Variants in SPANXN3 observed in about 807,000 individuals in gnomAD.
SPANXN3 encodes sperm protein associated with the nucleus on the X chromosome N3.
In SPANXN3, 1 loss-of-function variant was observed where a neutral mutation model predicts 1.9. The observed-to-expected ratio is 0.54, with a 90% CI of 0.19 to 2.54. SPANXN3 has a LOEUF of 2.54. SPANXN3 is among the 30% of genes most tolerant of loss of function. The pLI is 0.24. For synonymous variants in SPANXN3, 47 were observed against 40.0 expected, an observed-to-expected ratio of 1.17 and a Z score of -0.66; for missense variants, 113 against 96.2, an observed-to-expected ratio of 1.17 and a Z score of -0.73.
At chrX:143,510,469 C>G (rs1422311549) in intron 1 of SPANXN3, among the ~76,000 whole-genome samples, 3 of 111,555 alleles carry the variant, frequency 2.7e-5, no homozygotes, top group African/African-American at 6.5e-5. Flanking sequence ...AACTCACTCC[C>G]CTCTGGGGTA....
chrX:143,512,597 A>G (rs1225911035), intron 1 of SPANXN3, among the ~76,000 whole-genome samples: 1 of 111,066 alleles, frequency 9.0e-6, no homozygotes, highest in Non-Finnish European at 1.9e-5. Flanking sequence ...ACTCTCCCAT[A>G]TTCCTAAATC....
At position 143,515,084 on chromosome X, in the gene SPANXN3, C is replaced by T. The variant is rs184102532; in HGVS notation, c.78+2230G>A. Among the ~76,000 whole-genome samples, 741 of 110,323 alleles carry T rather than the reference C, an allele frequency of 6.7e-3. 2 individuals carry two copies. The highest frequency in any genetic ancestry group is 0.023 in the African/African-American group (707 of 30,185). On this transcript the variant is annotated intron_variant, in intron 1 of 1. Coordinates refer to ENST00000370503, the MANE Select transcript of SPANXN3 (RefSeq NM_001009609.4). ...ACAGTACACAAATGCTTACTTGACC[C>T]AGCCTAAAAGTCCATCCTCAAAATA...
chrX:143,515,788 C>G (rs1929202777), intron 1 of SPANXN3, among the ~76,000 whole-genome samples: 1 of 111,889 alleles, frequency 8.9e-6, no homozygotes, highest in Non-Finnish European at 1.9e-5. Context: ...CTGCATCTCA[C>G]CTACTTGACC....
intron 1 of SPANXN3, among the ~76,000 whole-genome samples, chrX:143,515,255 C>T (rs1929189583): frequency 9.0e-6 from 1 of 110,870 alleles, no homozygotes; most frequent in Non-Finnish European, 1.9e-5. Context: ...ACACTGAATA[C>T]ACCATTCCAA....
intron 1 of SPANXN3, among the ~76,000 whole-genome samples, chrX:143,515,653 C>A (rs5955060): frequency 0.097 from 10,646 of 109,717 alleles, 455 homozygotes; most frequent in African/African-American, 0.16. Flanking sequence ...AGCCTCACAC[C>A]TTTCCTCTTA....
chrX:143,515,937 G>A (rs782707626), intron 1 of SPANXN3, among the ~76,000 whole-genome samples: 1 of 110,870 alleles, frequency 9.0e-6, no homozygotes, highest in African/African-American at 3.3e-5. Context: ...TGTTACAAAC[G>A]GATTCCATAA....
intron 1 of SPANXN3, among the ~76,000 whole-genome samples, chrX:143,512,402 G>A (rs1259859615): frequency 9.0e-6 from 1 of 111,153 alleles, no homozygotes; most frequent in Non-Finnish European, 1.9e-5. Flanking sequence ...CGTGCTTAGG[G>A]GCCTCAAACC....
At chrX:143,513,736 A>G (rs1929151031) in intron 1 of SPANXN3, among the ~76,000 whole-genome samples, 2 of 111,374 alleles carry the variant, frequency 1.8e-5, no homozygotes, top group Admixed American at 9.5e-5. Context: ...CCTCCTTCCA[A>G]CACATTTCAC....
chrX:143,517,326 T>C lies in SPANXN3; in HGVS notation c.66A>G (p.Lys22=). ...KTKSPCESNN[K]KNDEMQEVPN... ...CTGACAATCTTACCTCATCATTTTT[T>C]TTGTTATTGGATTCACAGGGGCTCT... Residue 22 remains lysine (K), a synonymous_variant, in exon 1 of 2, where the codon AAA becomes AAG. Coordinates refer to ENST00000370503, the MANE Select transcript of SPANXN3 (RefSeq NM_001009609.4). 1 of 1,210,887 alleles carries C rather than the reference T, an allele frequency of 8.3e-7. No homozygotes were observed. The highest frequency in any genetic ancestry group is 1.1e-6 in the Non-Finnish European group (1 of 895,031).
At chrX:143,514,098 C>A (rs1929160969) in intron 1 of SPANXN3, among the ~76,000 whole-genome samples, 1 of 112,066 alleles carries the variant, frequency 8.9e-6, no homozygotes, top group African/African-American at 3.2e-5. Context: ...CCACCAAAGG[C>A]CACCATTATC....
chrX:143,513,012 C>T (rs781788037), intron 1 of SPANXN3, among the ~76,000 whole-genome samples: 10 of 111,827 alleles, frequency 8.9e-5, no homozygotes, highest in Non-Finnish European at 1.9e-4. Context: ...TTGGGTTTGT[C>T]CTAACCCCTA....
chrX:143,510,364 T>C (rs1262457207), intron 1 of SPANXN3, among the ~76,000 whole-genome samples: 2 of 110,796 alleles, frequency 1.8e-5, no homozygotes, highest in Non-Finnish European at 3.8e-5. Flanking sequence ...CTGGGGAGCA[T>C]GAATAGCTAT....
At chrX:143,517,039 T>A (rs781929892) in intron 1 of SPANXN3, among the ~76,000 whole-genome samples, 28 of 110,644 alleles carry the variant, frequency 2.5e-4, no homozygotes, top group Non-Finnish European at 4.5e-4. Flanking sequence ...AGTTTCAAGA[T>A]ACACCACAAT....
intron 1 of SPANXN3, among the ~76,000 whole-genome samples, chrX:143,514,683 T>C (rs1556412214): frequency 9.0e-6 from 1 of 111,219 alleles, no homozygotes. Context: ...TCTTCACCCA[T>C]ATTATCCACC....
intron 1 of SPANXN3, among the ~76,000 whole-genome samples, chrX:143,513,049 A>G (rs1273316201): frequency 9.0e-6 from 1 of 110,902 alleles, no homozygotes; most frequent in Non-Finnish European, 1.9e-5. Context: ...AACCCAATGA[A>G]AGGAGCTAAT....
chrX:143,511,081 G>GTACTTCCCTAAATCTTA (rs1477947730), intron 1 of SPANXN3, among the ~76,000 whole-genome samples: 5 of 111,519 alleles, frequency 4.5e-5, no homozygotes, highest in African/African-American at 1.6e-4. Flanking sequence ...AGGAATGTCT[G>GTACTTCCCTAAATCTTA]TACTTCCCTA....
intron 1 of SPANXN3, among the ~76,000 whole-genome samples, chrX:143,510,896 C>T (rs1341825821): frequency 2.7e-5 from 3 of 110,073 alleles, no homozygotes; most frequent in South Asian, 4.1e-4. Context: ...CCAGGTCTCA[C>T]GCCCAACGCT....
chrX:143,516,968 G>A (rs1300048315), intron 1 of SPANXN3, among the ~76,000 whole-genome samples: 1 of 111,970 alleles, frequency 8.9e-6, no homozygotes, highest in Non-Finnish European at 1.9e-5. Flanking sequence ...CCTAATCGTC[G>A]TAACACAAGA....
rs1366761110 is a variant in SPANXN3, at chrX:143,511,174, G to A, written c.79-2012C>T. On this transcript the variant is annotated intron_variant, in intron 1 of 1. Coordinates refer to ENST00000370503, the MANE Select transcript of SPANXN3 (RefSeq NM_001009609.4). The stretch of plus-strand genomic sequence containing the variant: ...TGGAGGACAGGGAACACATATTTAC[G>A]GGTGCCCAGGTCCATGAGAACACCC... Among the ~76,000 whole-genome samples the A allele has an allele frequency of 5.4e-5, 6 of 110,553 alleles. No individual in the cohort carries two copies. In the South Asian group the frequency reaches 1.2e-3, roughly 22 times the overall value.
Sources: gnomAD v4.1 joint callset for allele counts (sites outside exome capture counted in the v4.1 genomes callset) on GRCh38, gnomAD v4.1.1 for gene constraint, MANE v1.5 for transcripts, NCBI Gene and HGNC (gene_info 2026-07-23, HGNC 2026-07-21) for gene names.